The following LYRM7 variants were observed in gnomAD, a reference collection of about 807,000 sequenced individuals.
LYRM7 encodes LYR motif containing 7.
LYRM7 carries 9 observed loss-of-function variants against 15.8 expected under a neutral mutation model. The observed-to-expected ratio is 0.57, with a 90% confidence interval of 0.34 to 0.99. The LOEUF (loss-of-function observed/expected upper bound fraction) is 0.99, where lower values mean the gene tolerates loss of function less well. Ranked by LOEUF, LYRM7 falls within the 50% of genes least tolerant of loss-of-function variation. The pLI, the probability that LYRM7 is intolerant of heterozygous loss-of-function variation, is 0.02. For synonymous variants in LYRM7, 39 were observed against 39.4 expected, an observed-to-expected ratio of 0.99 and a Z score of 0.04; for missense variants, 115 against 119.1, an observed-to-expected ratio of 0.97 and a Z score of 0.16.
chr5:131,199,416 A>G, intron 4 of LYRM7, 115 bp from the exon 5 acceptor site: 1 of 658,120 alleles, frequency 1.5e-6, no homozygotes, highest in Non-Finnish European at 2.4e-6. Flanking sequence ...TCCCTGGAAG[A>G]TTTATCTTAA....
chr5:131,202,542 C>A lies in LYRM7; in HGVS notation c.*2941C>A, dbSNP rs982328361. On this transcript the variant is annotated 3_prime_UTR_variant, in exon 5 of 5. Coordinates refer to ENST00000379380, the MANE Select transcript of LYRM7 (RefSeq NM_181705.4). ...ACACATGGGTATCTCACCATGTTGC[C>A]CAGGCTGGAGTGCAGTAGCTATTCA... 1 of 152,912 alleles carries A rather than the reference C, an allele frequency of 6.5e-6. No homozygotes were observed. Among genetic ancestry groups the A allele is most frequent in the South Asian group, 1.8e-4 (1 of 5,442 alleles). 9.5% of individuals were successfully genotyped at this position (152,912 alleles called of 1,614,324 possible).
intron 1 of LYRM7, among the ~76,000 whole-genome samples, chr5:131,173,483 C>A (rs1433970318): frequency 6.6e-6 from 1 of 152,206 alleles, no homozygotes; most frequent in Non-Finnish European, 1.5e-5. Flanking sequence ...AGGTGGCTCA[C>A]GCCTGTAATC....
intron 1 of LYRM7, among the ~76,000 whole-genome samples, chr5:131,174,327 C>T (rs1332671616): frequency 1.4e-4 from 21 of 152,216 alleles, no homozygotes; most frequent in African/African-American, 5.1e-4. Context: ...GCACTTTCCA[C>T]GTATCTGCAG....
At chr5:131,178,744 G>A (rs577247125) in intron 1 of LYRM7, among the ~76,000 whole-genome samples, 21 of 152,178 alleles carry the variant, frequency 1.4e-4, no homozygotes, top group African/African-American at 3.9e-4. Flanking sequence ...AGCGGACCAC[G>A]AGGTCAGGAG....
intron 4 of LYRM7, among the ~76,000 whole-genome samples, chr5:131,192,904 G>A (rs902854830): frequency 2.6e-5 from 4 of 152,030 alleles, no homozygotes; most frequent in African/African-American, 7.2e-5. Context: ...GATATTAGTC[G>A]CCTGGTTTCA....
At position 131,193,347 on chromosome 5, in the gene LYRM7, T is replaced by G. The variant is rs559748959; in HGVS notation, c.245-6184T>G. On this transcript the variant is annotated intron_variant, in intron 4 of 4. Transcript: ENST00000379380. Reference sequence around the variant, plus strand: ...AGAGTGCTGTGTAAAAGACAGGCAATTAAATGTACAGCTACAGTTCTTGGA... The same window carrying G: ...AGAGTGCTGTGTAAAAGACAGGCAAGTAAATGTACAGCTACAGTTCTTGGA... Among the ~76,000 whole-genome samples, 7 of 152,310 alleles carry G rather than the reference T, an allele frequency of 4.6e-5. 1 individual carries two copies. Among genetic ancestry groups the G allele is most frequent in the Middle Eastern group, 6.8e-3 (2 of 294 alleles).
At chr5:131,194,574 T>G (rs1170447979) in intron 4 of LYRM7, among the ~76,000 whole-genome samples, 1 of 152,170 alleles carries the variant, frequency 6.6e-6, no homozygotes. Context: ...CAGAATCTGT[T>G]TTGCTGGCAG....
At chr5:131,171,724 T>C (rs1171638040) in intron 1 of LYRM7, 1 of 152,182 alleles carries the variant, frequency 6.6e-6, no homozygotes, top group Non-Finnish European at 1.5e-5. Context: ...GGATCTGTAG[T>C]TGTCACTGGC....
rs368794094 is a variant in LYRM7, at chr5:131,204,327, G to A, written c.*4726G>A. The A allele has an allele frequency of 1.3e-5, 2 of 151,948 alleles. No homozygotes were observed. The highest frequency in any genetic ancestry group is 2.1e-4 in the South Asian group (1 of 4,824). The allele number at this position is 151,948 out of a possible 1,614,324, so 9.4% of individuals were successfully genotyped here. A position where few individuals can be genotyped will look rare whatever the true frequency, so the allele number is the denominator to read the frequency against. ...AGAATACTAATAAATGTGTACTCAG[G>A]TATATGTACAGAAATTGCTGTAACA... On this transcript the variant is annotated 3_prime_UTR_variant, in exon 5 of 5. Transcript: ENST00000379380.
At chr5:131,180,465 T>A (rs140759775) in intron 2 of LYRM7, among the ~76,000 whole-genome samples, 81 of 152,328 alleles carry the variant, frequency 5.3e-4, no homozygotes, top group Middle Eastern at 3.4e-3. Context: ...TGTTACATAA[T>A]CAAATTTTCA....
At position 131,199,916 on chromosome 5, in the gene LYRM7, A is replaced by G. The variant is rs1561550313; in HGVS notation, c.*315A>G. ...ATGAGTATTTGATCTTACCATAGCT[A>G]TTTGAGAATGTGGTGCTTTTACAAA... On this transcript the variant is annotated 3_prime_UTR_variant, in exon 5 of 5. Coordinates refer to ENST00000379380, the MANE Select transcript of LYRM7 (RefSeq NM_181705.4). 1 of 171,492 alleles carries G rather than the reference A, an allele frequency of 5.8e-6. No individual in the cohort carries two copies. The highest frequency in any genetic ancestry group is 1.2e-5 in the Non-Finnish European group (1 of 81,080). The allele number at this position is 171,492 out of a possible 1,614,324, so 10.6% of individuals were successfully genotyped here.
In LYRM7 at chr5:131,204,125, ATC is replaced by A. The variant is rs891364562; in HGVS notation, c.*4529_*4530del. 10 of 150,902 alleles carry A rather than the reference ATC, an allele frequency of 6.6e-5. No individual in the cohort carries two copies. Among genetic ancestry groups the A allele is most frequent in the African/African-American group, 2.2e-4 (9 of 41,112 alleles). The allele number at this position is 150,902 out of a possible 1,614,324, so 9.3% of individuals were successfully genotyped here. A position where few individuals can be genotyped will look rare whatever the true frequency, so the allele number is the denominator to read the frequency against. On this transcript the variant is annotated 3_prime_UTR_variant, in exon 5 of 5. Coordinates refer to ENST00000379380, the MANE Select transcript of LYRM7 (RefSeq NM_181705.4). ...TGGGTTTTTTTTTTTTAGAGACAAGATCTCTCCGTGTTGTCTAGGCTGGACTC... is the reference window on the plus strand; with the variant it reads ...TGGGTTTTTTTTTTTTAGAGACAAGATCTCCGTGTTGTCTAGGCTGGACTC...
intron 1 of LYRM7, among the ~76,000 whole-genome samples, chr5:131,175,107 G>A (rs1373044124): frequency 1.3e-5 from 2 of 151,812 alleles, no homozygotes; most frequent in Non-Finnish European, 1.5e-5. Context: ...GTAGAGCACA[G>A]GTAGAGTAGA....
chr5:131,197,290 A>G (rs1318736124), intron 4 of LYRM7, among the ~76,000 whole-genome samples: 1 of 152,238 alleles, frequency 6.6e-6, no homozygotes, highest in Non-Finnish European at 1.5e-5. Flanking sequence ...GAAACAAATT[A>G]TTGCCATTGT....
intron 2 of LYRM7, among the ~76,000 whole-genome samples, chr5:131,181,465 G>A (rs1484516488): frequency 8.1e-5 from 10 of 123,456 alleles, no homozygotes; most frequent in South Asian, 2.4e-4. Context: ...ACATATATAT[G>A]TATATATATA....
At chr5:131,185,145 A>G (rs143186340) in intron 3 of LYRM7, among the ~76,000 whole-genome samples, 18 of 152,144 alleles carry the variant, frequency 1.2e-4, no homozygotes, top group African/African-American at 4.3e-4. Flanking sequence ...GTACTTTTAA[A>G]AACAGAATAA....
At chr5:131,195,441 T>TA (rs1477186345) in intron 4 of LYRM7, among the ~76,000 whole-genome samples, 1 of 152,170 alleles carries the variant, frequency 6.6e-6, no homozygotes, top group Non-Finnish European at 1.5e-5. Flanking sequence ...CTTGGAGAGT[T>TA]AAAAATGCTA....
At position 131,199,681 on chromosome 5, in the gene LYRM7, A is replaced by G. The variant is rs1756027316; in HGVS notation, c.*80A>G. 4.3e-6 allele frequency: 4 copies of G among 939,520 alleles called. No homozygotes were observed. The South Asian group carries it at 7.4e-5, about 17-fold the overall frequency. 58.2% of individuals were successfully genotyped at this position (939,520 alleles called of 1,614,324 possible). A position where few individuals can be genotyped will look rare whatever the true frequency, so the allele number is the denominator to read the frequency against. On this transcript the variant is annotated 3_prime_UTR_variant, in exon 5 of 5. Coordinates refer to ENST00000379380, the MANE Select transcript of LYRM7 (RefSeq NM_181705.4). Reference sequence around the variant, plus strand: ...TGGCAAAAGTCCTGGAAATGCAGACATTTTCCCTGAACTGGCATATTGAAA... The same window carrying G: ...TGGCAAAAGTCCTGGAAATGCAGACGTTTTCCCTGAACTGGCATATTGAAA...
At chr5:131,196,247 G>A (rs545161886) in intron 4 of LYRM7, among the ~76,000 whole-genome samples, 11 of 151,508 alleles carry the variant, frequency 7.3e-5, no homozygotes, top group Admixed American at 5.3e-4. Flanking sequence ...TGGGACTACC[G>A]CTCGGGCAAT....
Sources: allele counts gnomAD v4.1 joint callset (sites outside exome capture counted in the v4.1 genomes callset), GRCh38; gene constraint gnomAD v4.1.1; transcripts MANE v1.5; gene names NCBI Gene and HGNC (gene_info 2026-07-23, HGNC 2026-07-21).